The following COPG1 variants were observed in gnomAD, a reference collection of about 807,000 sequenced individuals.
COPG1 encodes coat protein complex I subunit gamma 1.
Under a neutral mutation model 102.8 loss-of-function variants are expected in COPG1, and 29 were observed. That is an observed-to-expected ratio of 0.28 (90% CI 0.21 to 0.38). The LOEUF (loss-of-function observed/expected upper bound fraction) is 0.38. Ranked by LOEUF, COPG1 falls within the 10% of genes least tolerant of loss-of-function variation. COPG1 has a pLI of 1.00. For missense variants in COPG1, 875 were observed against 1,132.7 expected (o/e 0.77, Z 3.27); for synonymous variants, 406 against 421.6 (o/e 0.96, Z 0.45).
intron 13 of COPG1, among the ~76,000 whole-genome samples, chr3:129,264,666 TAG>T (rs1940014489): frequency 6.6e-6 from 1 of 152,080 alleles, no homozygotes; most frequent in African/African-American, 2.4e-5. Context: ...TTTTTTTAAG[TAG>T]AGATGGGGTC....
chr3:129,266,878 T>G, intron 14 of COPG1, 146 bp from the exon 15 acceptor site: 1 of 674,972 alleles, frequency 1.5e-6, no homozygotes, highest in Admixed American at 2.1e-5. Flanking sequence ...CCACTCACTC[T>G]GTTGGTAGTG....
intron 4 of COPG1, 45 bp from the exon 5 acceptor site, chr3:129,252,831 C>G: frequency 6.2e-7 from 1 of 1,601,640 alleles, no homozygotes; most frequent in Non-Finnish European, 8.6e-7. Flanking sequence ...AACTCTGGCC[C>G]TTGGTGAGCC....
intron 5 of COPG1, 99 bp downstream of exon 5, chr3:129,253,054 C>T: frequency 9.8e-7 from 1 of 1,024,998 alleles, no homozygotes; most frequent in Non-Finnish European, 1.5e-6. Context: ...TGCATATTGC[C>T]AGCTGCCCAC....
chr3:129,262,143 G>C (rs781503940), intron 12 of COPG1, among the ~76,000 whole-genome samples: 2 of 152,140 alleles, frequency 1.3e-5, no homozygotes, highest in Non-Finnish European at 2.9e-5. Flanking sequence ...TCTGGGCACG[G>C]TGGCTCATGC....
At chr3:129,250,879 T>G (rs1576958296) in intron 2 of COPG1, 145 bp downstream of exon 2, 1 of 588,862 alleles carries the variant, frequency 1.7e-6, no homozygotes, top group African/African-American at 1.9e-5. Flanking sequence ...ACAGGAAAAC[T>G]TTGTTTCTGG....
intron 15 of COPG1, 138 bp downstream of exon 15, chr3:129,267,237 C>A: frequency 3.3e-6 from 2 of 602,812 alleles, no homozygotes; most frequent in South Asian, 2.1e-5. Flanking sequence ...AAAGAGAAAG[C>A]ATAGAAAAGC....
intron 6 of COPG1, 32 bp downstream of exon 6, chr3:129,254,775 G>A: frequency 6.3e-7 from 1 of 1,592,892 alleles, no homozygotes; most frequent in Non-Finnish European, 8.6e-7. Flanking sequence ...CTGCTTCCTG[G>A]CCTCTTGATT....
rs910175941 is a variant in COPG1, at chr3:129,274,765, T to C, written c.2257-73T>C. ...CTGTGGAAAGAGTTGCAGGAAGGGATGTGTGGATGAGTTCAGAGCAGAGGC... is the reference window on the plus strand; with the variant it reads ...CTGTGGAAAGAGTTGCAGGAAGGGACGTGTGGATGAGTTCAGAGCAGAGGC... On this transcript the variant is annotated intron_variant, in intron 21 of 23. Coordinates refer to ENST00000314797, the MANE Select transcript of COPG1 (RefSeq NM_016128.4). The C allele has an allele frequency of 1.1e-5, 17 of 1,515,256 alleles. No homozygotes were observed. The East Asian group carries it at 3.8e-4, about 34-fold the overall frequency. 93.9% of individuals were successfully genotyped at this position (1,515,256 alleles called of 1,614,324 possible).
chr3:129,252,091 C>T (rs1284346502), intron 2 of COPG1, among the ~76,000 whole-genome samples, 190 bp from the exon 3 acceptor site: 2 of 152,170 alleles, frequency 1.3e-5, no homozygotes, highest in Admixed American at 6.6e-5. Context: ...AATATTTACA[C>T]GAGAGTCTAA....
Position 129,260,796 on chromosome 3 carries a change from G to C in COPG1, c.1117G>C (p.Asp373His), listed in dbSNP as rs765359903. ...QISSFMSEIS[D>H]EFKVVVVQAI... The stretch of plus-strand genomic sequence containing the variant: ...CTCCTCCTTCATGTCAGAAATCTCG[G>C]ATGAATTCAAGGTACCTGCTACCCC... The change falls in exon 12 of 24, where the codon GAT becomes CAT. Residue 373 changes from aspartate (D) to histidine (H), a missense_variant. By Grantham distance (81) the Asp-to-His change is moderately conservative. Coordinates refer to ENST00000314797, the MANE Select transcript of COPG1 (RefSeq NM_016128.4). The C allele has an allele frequency of 5.0e-6, 8 of 1,612,188 alleles. No individual in the cohort carries two copies. Among genetic ancestry groups the C allele is most frequent in the Non-Finnish European group, 6.8e-6 (8 of 1,179,970 alleles).
chr3:129,263,991 C>T lies in COPG1; in HGVS notation c.1216C>T (p.Arg406Trp), dbSNP rs1693218998. The T allele has an allele frequency of 1.9e-6, 3 of 1,613,686 alleles. No homozygotes were observed. Among genetic ancestry groups the T allele is most frequent in the African/African-American group, 1.3e-5 (1 of 74,838 alleles). ...VLMNFLFTML[R>W]EEGGFEYKRA... ...TATGAACTTCCTGTTCACCATGCTG[C>T]GGGAAGAGGTAAGAGTCAGGGGCAT... The change falls in exon 13 of 24, where the codon CGG becomes TGG. Residue 406 changes from arginine to tryptophan, a missense_variant. Coordinates refer to ENST00000314797, the MANE Select transcript of COPG1 (RefSeq NM_016128.4).
chr3:129,249,606 A>T lies in COPG1; in HGVS notation c.-104A>T, dbSNP rs943036639. 7.5e-7 allele frequency: 1 copy of T among 1,339,958 alleles called. No individual in the cohort carries two copies. Among genetic ancestry groups the T allele is most frequent in the Admixed American group, 2.2e-5 (1 of 45,240 alleles). The allele number at this position is 1,339,958 out of a possible 1,614,324, so 83.0% of individuals were successfully genotyped here. A position where few individuals can be genotyped will look rare whatever the true frequency, so the allele number is the denominator to read the frequency against. On this transcript the variant is annotated 5_prime_UTR_variant, in exon 1 of 24. Transcript: ENST00000314797. ...GCGCAGAGCGCTGGGCGACGTGGCCAGTCGGGGCCCGGAAGTGGTCCCTGT... is the reference window on the plus strand; with the variant it reads ...GCGCAGAGCGCTGGGCGACGTGGCCTGTCGGGGCCCGGAAGTGGTCCCTGT...
intron 10 of COPG1, among the ~76,000 whole-genome samples, chr3:129,258,756 G>A (rs1400766724): frequency 1.1e-4 from 16 of 152,280 alleles, no homozygotes; most frequent in Non-Finnish European, 1.8e-4. Flanking sequence ...GCGCCCAGCC[G>A]TTGTTTGCTG....
At chr3:129,265,435 C>A in intron 13 of COPG1, 114 bp from the exon 14 acceptor site, 1 of 1,326,588 alleles carries the variant, frequency 7.5e-7, no homozygotes, top group Non-Finnish European at 1.0e-6. Flanking sequence ...CCCAGAGAAC[C>A]AAGTGCCCTG....
chr3:129,265,441 C>A, intron 13 of COPG1, 108 bp from the exon 14 acceptor site: 2 of 1,377,030 alleles, frequency 1.5e-6, no homozygotes, highest in Non-Finnish European at 2.0e-6. Context: ...GAACCAAGTG[C>A]CCTGTCTCCA....
At chr3:129,268,661 C>A in intron 17 of COPG1, 41 bp downstream of exon 17, 1 of 1,608,130 alleles carries the variant, frequency 6.2e-7, no homozygotes, top group Non-Finnish European at 8.5e-7. Context: ...AAGGCCAGGC[C>A]TCTGTTGGAG....
rs368612203 is a variant in COPG1 at position 129,255,097 on chromosome 3, G to C, written c.492+20G>C. 86 of 1,551,464 alleles carry C rather than the reference G, an allele frequency of 5.5e-5. No individual in the cohort carries two copies. The highest frequency in any genetic ancestry group is 7.4e-5 in the Non-Finnish European group (83 of 1,123,864). On this transcript the variant is annotated intron_variant, in intron 7 of 23. Transcript: ENST00000314797. ...TCCTTGGTGTGTAGTTGCTGCTGGAGCCCTGCTGGGGGTGGGGTAGAAAAT... is the reference window on the plus strand; with the variant it reads ...TCCTTGGTGTGTAGTTGCTGCTGGACCCCTGCTGGGGGTGGGGTAGAAAAT...
At position 129,252,353 on chromosome 3, in the gene COPG1, A is replaced by T; in HGVS notation, c.163A>T (p.Ile55Leu). 6.4e-7 allele frequency: 1 copy of T among 1,573,486 alleles called. No individual in the cohort carries two copies. Among genetic ancestry groups the T allele is most frequent in the South Asian group, 1.1e-5 (1 of 90,230 alleles). The change falls in exon 3 of 24, where the codon ATA (isoleucine) becomes TTA (leucine). Residue 55 changes from isoleucine (I) to leucine (L), a missense_variant. Transcript: ENST00000314797. ...AHILTKILYL[I>L]NQGEHLGTTE... ...CATCCTCACCAAGATTCTTTATCTCATAAACCAGGTAACAGGGTGAAGCTT... is the reference window on the plus strand; with the variant it reads ...CATCCTCACCAAGATTCTTTATCTCTTAAACCAGGTAACAGGGTGAAGCTT...
intron 10 of COPG1, 30 bp from the exon 11 acceptor site, chr3:129,260,303 A>G (rs751478484): frequency 2.5e-5 from 41 of 1,610,432 alleles, no homozygotes; most frequent in Admixed American, 6.7e-5. Flanking sequence ...AGTGAAGGCA[A>G]CCTGACATGT....
Sources: gnomAD v4.1 joint callset for allele counts (sites outside exome capture counted in the v4.1 genomes callset) on GRCh38, gnomAD v4.1.1 for gene constraint, MANE v1.5 for transcripts, NCBI Gene and HGNC (gene_info 2026-07-23, HGNC 2026-07-21) for gene names.